Variants in DOCK3 observed in about 807,000 individuals in gnomAD.
DOCK3 encodes the protein dedicator of cytokinesis 3.
DOCK3 carries 60 observed loss-of-function variants against 265.6 expected under a neutral mutation model. The ratio of observed to expected loss-of-function variants is 0.23; its 90% confidence interval spans 0.18 to 0.28. DOCK3 has a LOEUF of 0.28. DOCK3 is among the 10% of genes least tolerant of loss of function. DOCK3 has a pLI of 1.00. For synonymous variants in DOCK3, 881 were observed against 938.0 expected, an observed-to-expected ratio of 0.94 and a Z score of 1.11; for missense variants, 1,981 against 2,594.3, an observed-to-expected ratio of 0.76 and a Z score of 5.14.
chr3:51,354,829 G>A (rs1010937691), intron 40 of DOCK3, 53 bp from the exon 41 acceptor site: 1 of 1,587,248 alleles, frequency 6.3e-7, no homozygotes, highest in African/African-American at 1.3e-5. Flanking sequence ...CAGGGTGGAG[G>A]TGGGGGGCTA....
Position 51,098,595 on chromosome 3 carries a change from C to T in DOCK3, c.746+8211C>T, listed in dbSNP as rs1227907835. ...TTATTAAAGCAAACAATTTTGTTTC[C>T]CTCTGCAAAAGAGGTTATGTATGTA... On this transcript the variant is annotated intron_variant, in intron 9 of 52. Transcript: ENST00000266037. Among the ~76,000 whole-genome samples, 4 of 152,190 alleles carry T rather than the reference C, an allele frequency of 2.6e-5. No individual in the cohort carries two copies. In the East Asian group the frequency reaches 7.7e-4, roughly 29 times the overall value.
chr3:51,027,874 T>A (rs2079886220), intron 5 of DOCK3, among the ~76,000 whole-genome samples: 1 of 5,236 alleles, frequency 1.9e-4, no homozygotes, highest in South Asian at 0.02. Context: ...TGGATCTCAT[T>A]TTTTTTTTCA....
rs1560182570 is a variant in DOCK3 at position 51,189,427 on chromosome 3, TTCTGAGTC to T, written c.1038-19343_1038-19336del. Reference sequence around the variant, plus strand: ...CCTCATCTCTCTCCCACCCTCCCCTTTCTGAGTCTCTAAAGTTCATTATATCACTCCTT... The same window carrying T: ...CCTCATCTCTCTCCCACCCTCCCCTTTCTAAAGTTCATTATATCACTCCTT... On this transcript the variant is annotated intron_variant, in intron 12 of 52. Coordinates refer to ENST00000266037, the MANE Select transcript of DOCK3 (RefSeq NM_004947.5). 5.9e-5 allele frequency among the ~76,000 whole-genome samples: 9 copies of T among 152,268 alleles called. No individual in the cohort carries two copies. In the South Asian group the frequency reaches 1.7e-3, roughly 28 times the overall value.
At chr3:50,943,843 G>A (rs1198955562) in intron 5 of DOCK3, among the ~76,000 whole-genome samples, 1 of 152,038 alleles carries the variant, frequency 6.6e-6, no homozygotes, top group Non-Finnish European at 1.5e-5. Context: ...ATCTGGGCTG[G>A]AATCTGGGTC....
chr3:50,964,708 T>C (rs1312766726), intron 5 of DOCK3, among the ~76,000 whole-genome samples: 1 of 152,024 alleles, frequency 6.6e-6, no homozygotes, highest in Non-Finnish European at 1.5e-5. Context: ...AATAGTTAAA[T>C]AAATAATGAC....
At chr3:51,225,865 G>A (rs2090306409) in intron 15 of DOCK3, 92 bp downstream of exon 15, 8 of 1,439,768 alleles carry the variant, frequency 5.6e-6, no homozygotes, top group Admixed American at 4.9e-5. Flanking sequence ...CTTCAAGCAG[G>A]ATTAAAATCA....
intron 38 of DOCK3, among the ~76,000 whole-genome samples, chr3:51,346,364 C>T (rs57569631): frequency 0.033 from 4,993 of 151,270 alleles, 300 homozygotes; most frequent in African/African-American, 0.11. Flanking sequence ...TGTTCAGTTC[C>T]CACCTATGAG....
chr3:50,743,194 C>T (rs2039182693), intron 1 of DOCK3, among the ~76,000 whole-genome samples: 2 of 149,030 alleles, frequency 1.3e-5, no homozygotes, highest in Non-Finnish European at 3.0e-5. Context: ...TTGAAGGAAG[C>T]ACTAAACGTG....
At chr3:51,041,166 A>G (rs1241363780) in intron 5 of DOCK3, among the ~76,000 whole-genome samples, 36 of 9,430 alleles carry the variant, frequency 3.8e-3, no homozygotes, top group South Asian at 6.8e-3. Flanking sequence ...CAAAATGTAT[A>G]TATATATATA....
chr3:51,312,826 C>G lies in DOCK3; in HGVS notation c.3195-18C>G, dbSNP rs774221867. The G allele has an allele frequency of 6.2e-7, 1 of 1,606,292 alleles. No individual in the cohort carries two copies. Among genetic ancestry groups the G allele is most frequent in the South Asian group, 1.1e-5 (1 of 89,402 alleles). On this transcript the variant is annotated intron_variant, in intron 30 of 52. Coordinates refer to ENST00000266037, the MANE Select transcript of DOCK3 (RefSeq NM_004947.5). ...ACCTTCTCCCACTAACGGTTGGCTC[C>G]TGTGTTACTATTCTTAGGTATGGGG...
chr3:50,821,022 T>A (rs1171058417), intron 2 of DOCK3, among the ~76,000 whole-genome samples: 5 of 151,918 alleles, frequency 3.3e-5, no homozygotes, highest in African/African-American at 1.2e-4. Context: ...GTGATTTAAG[T>A]TCCTTATAGA....
chr3:51,046,620 G>A (rs75739660), intron 5 of DOCK3, among the ~76,000 whole-genome samples: 8,705 of 152,106 alleles, frequency 0.057, 888 homozygotes, highest in African/African-American at 0.2. Flanking sequence ...GGGAGAAATA[G>A]CAATACAGTA....
chr3:51,176,940 AC>A (rs760520389), intron 12 of DOCK3, among the ~76,000 whole-genome samples: 4 of 152,170 alleles, frequency 2.6e-5, no homozygotes, highest in Non-Finnish European at 5.9e-5. Context: ...CATTTAAACT[AC>A]AAATCCTACC....
At chr3:51,091,190 T>C (rs1189699422) in intron 9 of DOCK3, among the ~76,000 whole-genome samples, 1 of 152,194 alleles carries the variant, frequency 6.6e-6, no homozygotes. Flanking sequence ...GTGGTATTGA[T>C]GAAAGCTAAA....
chr3:51,160,002 C>G (rs73833992), intron 11 of DOCK3, among the ~76,000 whole-genome samples: 7,074 of 152,232 alleles, frequency 0.046, 592 homozygotes, highest in African/African-American at 0.16. Flanking sequence ...TGTTAAGGTT[C>G]CAGCATTTGC....
At chr3:50,952,029 G>T (rs1288919812) in intron 5 of DOCK3, among the ~76,000 whole-genome samples, 2 of 152,142 alleles carry the variant, frequency 1.3e-5, no homozygotes, top group Admixed American at 1.3e-4. Flanking sequence ...ACAAACAGTG[G>T]TGGGTTGACT....
At chr3:50,902,550 T>C (rs1329120146) in intron 4 of DOCK3, among the ~76,000 whole-genome samples, 1 of 152,204 alleles carries the variant, frequency 6.6e-6, no homozygotes, top group Non-Finnish European at 1.5e-5. Context: ...TGTCTGTTTT[T>C]GTACCAGTAC....
At chr3:50,941,969 C>G (rs1484939876) in intron 5 of DOCK3, among the ~76,000 whole-genome samples, 2 of 151,962 alleles carry the variant, frequency 1.3e-5, no homozygotes, top group Non-Finnish European at 2.9e-5. Flanking sequence ...GTTCTGAGTT[C>G]TGATTGTGGT....
At chr3:51,043,244 A>G (rs1219116247) in intron 5 of DOCK3, among the ~76,000 whole-genome samples, 1 of 152,210 alleles carries the variant, frequency 6.6e-6, no homozygotes, top group African/African-American at 2.4e-5. Flanking sequence ...AGACACACAG[A>G]CCAATGGAAC....
Sources: allele counts gnomAD v4.1 joint callset (sites outside exome capture counted in the v4.1 genomes callset), GRCh38; gene constraint gnomAD v4.1.1; transcripts MANE v1.5; gene names NCBI Gene and HGNC (gene_info 2026-07-23, HGNC 2026-07-21).